The following PCDHA4 variants were observed in gnomAD, a reference collection of about 807,000 sequenced individuals.
The protein encoded by PCDHA4 is protocadherin alpha 4.
PCDHA4 carries 49 observed loss-of-function variants against 61.4 expected under a neutral mutation model. That is an observed-to-expected ratio of 0.80 (90% confidence interval 0.63 to 1.01). PCDHA4 has a LOEUF of 1.01. Among genes scored for constraint, PCDHA4 ranks in the 50% least tolerant of loss-of-function variants. The pLI is 0.00. For synonymous variants in PCDHA4, 590 were observed against 550.3 expected (o/e 1.07, Z -1.01); for missense variants, 1,254 against 1,235.8 (o/e 1.01, Z -0.22).
chr5:140,997,107 C>T (rs1346636277), intron 3 of PCDHA4, among the ~76,000 whole-genome samples: 3 of 152,094 alleles, frequency 2.0e-5, no homozygotes, highest in African/African-American at 7.2e-5. Flanking sequence ...TCATGCACTC[C>T]TGCTCTCCCA....
chr5:140,868,562 A>C (rs2153231296), intron 1 of PCDHA4: 1 of 152,960 alleles, frequency 6.5e-6, no homozygotes, highest in South Asian at 2.1e-4. Flanking sequence ...TTTTTATATG[A>C]GGAACAACAC....
chr5:140,838,280 A>AT (rs2150286950), intron 1 of PCDHA4, among the ~76,000 whole-genome samples: 90,280 of 139,474 alleles, frequency 0.65, 30,290 homozygotes, highest in Non-Finnish European at 0.74. Context: ...AGCCATGCTA[A>AT]TTTTTTTTTT....
chr5:140,931,626 A>G (rs1048704969), intron 1 of PCDHA4, among the ~76,000 whole-genome samples: 1 of 152,052 alleles, frequency 6.6e-6, no homozygotes, highest in Non-Finnish European at 1.5e-5. Flanking sequence ...CTTTTTAGGT[A>G]GCTCATTGGT....
chr5:140,857,375 G>C, intron 1 of PCDHA4: 1 of 1,598,360 alleles, frequency 6.3e-7, no homozygotes. Flanking sequence ...CGTGTCTGTG[G>C]AGGTGGCCGA....
At chr5:140,943,326 G>A (rs1407826029) in intron 1 of PCDHA4, among the ~76,000 whole-genome samples, 10 of 149,948 alleles carry the variant, frequency 6.7e-5, no homozygotes, top group African/African-American at 2.5e-4. Flanking sequence ...ATATTGTGTA[G>A]TATCCATTGG....
At chr5:140,876,950 C>A in intron 1 of PCDHA4, 1 of 1,613,514 alleles carries the variant, frequency 6.2e-7, no homozygotes, top group Non-Finnish European at 8.5e-7. Context: ...GTGTCCTACT[C>A]GCTGGTGGAG....
Position 140,871,550 on chromosome 5 carries a change from C to A in PCDHA4, c.2385+61978C>A, listed in dbSNP as rs369025500. On this transcript the variant is annotated intron_variant, in intron 1 of 3. Transcript: ENST00000530339. The stretch of plus-strand genomic sequence containing the variant: ...AAGTGTATGTGAAATTATTTAAAAT[C>A]CAGTTTTTTTTCACGGATTTTTTAA... The A allele has an allele frequency of 1.6e-4, 246 of 1,495,268 alleles. 8 individuals are homozygous for A. In the South Asian group the frequency reaches 3.1e-3, roughly 19 times the overall value. The allele number at this position is 1,495,268 out of a possible 1,614,324, so 92.6% of individuals were successfully genotyped here.
At chr5:140,823,974 G>C (rs2150131023) in intron 1 of PCDHA4, 1 of 1,614,122 alleles carries the variant, frequency 6.2e-7, no homozygotes, top group East Asian at 2.2e-5. Flanking sequence ...TGTGCACACG[G>C]GGCAAGCCCA....
rs553258055 is a variant in PCDHA4 at position 140,807,376 on chromosome 5, G to T, written c.189G>T (p.Leu63=). ...AGCTGGCGGAGCTGGTGCCGCGCCT[G>T]TTCCGGGTGGCGTCCAAGGGCCGCG... is the stretch of plus-strand genomic sequence containing the variant. ...GLELAELVPR[L]FRVASKGRGG... Residue 63 remains leucine, a synonymous_variant, in exon 1 of 4, where the codon CTG becomes CTT. Transcript: ENST00000530339. 3.7e-6 allele frequency: 6 copies of T among 1,606,150 alleles called. No homozygotes were observed. Among genetic ancestry groups the T allele is most frequent in the African/African-American group, 2.7e-5 (2 of 73,068 alleles).
chr5:140,830,176 T>C, intron 1 of PCDHA4: 1 of 1,613,552 alleles, frequency 6.2e-7, no homozygotes, highest in Non-Finnish European at 8.5e-7. Context: ...CGCTGGTGGA[T>C]GTCAACGTGT....
intron 1 of PCDHA4, chr5:140,828,686 T>A: frequency 6.2e-7 from 1 of 1,614,164 alleles, no homozygotes; most frequent in Non-Finnish European, 8.5e-7. Context: ...ATTAAAGAAA[T>A]CCTTGGACAG....
chr5:140,856,332 G>A, intron 1 of PCDHA4: 2 of 1,598,636 alleles, frequency 1.3e-6, no homozygotes, highest in East Asian at 2.2e-5. Context: ...GAGGAGCTGT[G>A]CGGGCGGAGC....
chr5:140,808,056 AATCCAAGTTTCACATAG>A lies in PCDHA4; in HGVS notation c.876_892del (p.Lys292AsnfsTer12). The A allele has an allele frequency of 6.2e-7, 1 of 1,614,090 alleles. No homozygotes were observed. Among genetic ancestry groups the A allele is most frequent in the South Asian group, 1.1e-5 (1 of 91,080 alleles). ...TCAAATGATATTTCGCCAAATGTGA[AATCCAAGTTTCACATAG>A]ATCCAATTACTGGACAAATTATTGT... On this transcript the variant is annotated frameshift_variant, in exon 1 of 4. Coordinates refer to ENST00000530339, the MANE Select transcript of PCDHA4 (RefSeq NM_018907.4). LOFTEE classifies it high-confidence loss of function.
At chr5:140,998,939 A>C (rs1299425979) in intron 3 of PCDHA4, among the ~76,000 whole-genome samples, 2 of 152,248 alleles carry the variant, frequency 1.3e-5, no homozygotes, top group Admixed American at 1.3e-4. Flanking sequence ...CAGATGAAGA[A>C]ACTGTAAGTC....
Position 140,858,189 on chromosome 5 carries a change from T to C in PCDHA4, c.2385+48617T>C. The C allele has an allele frequency of 1.3e-6, 2 of 1,597,232 alleles. 1 individual carries two copies. Among genetic ancestry groups the C allele is most frequent in the Non-Finnish European group, 1.7e-6 (2 of 1,167,008 alleles). On this transcript the variant is annotated intron_variant, in intron 1 of 3. Coordinates refer to ENST00000530339, the MANE Select transcript of PCDHA4 (RefSeq NM_018907.4). ...TCCAGCTTGCTGGTGCTCACGCTGC[T>C]GCTGTACACTGCACTGAGGTGCTCG...
chr5:140,987,474 G>A (rs114440148), intron 3 of PCDHA4, among the ~76,000 whole-genome samples: 307 of 152,240 alleles, frequency 2.0e-3, no homozygotes, highest in African/African-American at 7.1e-3. Context: ...CTCAAGCTTG[G>A]GAGTCAGTGA....
intron 1 of PCDHA4, among the ~76,000 whole-genome samples, chr5:140,950,372 C>G (rs1369892292): frequency 1.3e-5 from 2 of 151,918 alleles, no homozygotes; most frequent in African/African-American, 4.8e-5. Context: ...ATCTATTTAT[C>G]TTCCATTTGA....
intron 1 of PCDHA4, chr5:140,876,137 T>G (rs782331817): frequency 1.2e-6 from 2 of 1,613,916 alleles, no homozygotes; most frequent in Non-Finnish European, 8.5e-7. Context: ...AAACCAGAAC[T>G]AACAGGGTCT....
rs1255289031 is a variant in PCDHA4 at position 141,010,188 on chromosome 5, T to C, written c.*251T>C. On this transcript the variant is annotated 3_prime_UTR_variant, in exon 4 of 4. Transcript: ENST00000530339. Reference sequence around the variant, plus strand: ...CAGAACCTAAAAAGCAGACCCAAGTTTCCTTTCTCCTCCGCCGCAAAGGAG... The same window carrying C: ...CAGAACCTAAAAAGCAGACCCAAGTCTCCTTTCTCCTCCGCCGCAAAGGAG... 1.3e-6 allele frequency: 2 copies of C among 1,552,952 alleles called. No individual in the cohort carries two copies. Among genetic ancestry groups the C allele is most frequent in the Non-Finnish European group, 8.7e-7 (1 of 1,147,482 alleles).
Sources: gnomAD v4.1 joint callset for allele counts (sites outside exome capture counted in the v4.1 genomes callset) on GRCh38, gnomAD v4.1.1 for gene constraint, MANE v1.5 for transcripts, NCBI Gene and HGNC (gene_info 2026-07-23, HGNC 2026-07-21) for gene names.